MIR2052HG: variants seen among roughly 807,000 people sequenced by gnomAD.
The protein encoded by MIR2052HG is MIR2052 host gene.
chr8:74,637,242 G>A (rs1382086240), intron 2 of MIR2052HG, among the ~76,000 whole-genome samples: 2 of 152,114 alleles, frequency 1.3e-5, no homozygotes, highest in Non-Finnish European at 2.9e-5. Flanking sequence ...AGAATCCATG[G>A]GCTCCGTAGA....
At chr8:74,713,599 T>G (rs1176575652) in intron 4 of MIR2052HG, among the ~76,000 whole-genome samples, 1 of 152,298 alleles carries the variant, frequency 6.6e-6, no homozygotes, top group East Asian at 1.9e-4. Flanking sequence ...CACAAGTCAC[T>G]GTAGACAGTG....
chr8:74,632,655 G>A (rs533406067), intron 2 of MIR2052HG, among the ~76,000 whole-genome samples: 1 of 152,290 alleles, frequency 6.6e-6, no homozygotes, highest in South Asian at 2.1e-4. Context: ...TATTTGGTAT[G>A]ACTTTAATGT....
intron 4 of MIR2052HG, among the ~76,000 whole-genome samples, chr8:74,739,070 A>G (rs780086927): frequency 7.2e-5 from 11 of 152,232 alleles, no homozygotes; most frequent in Non-Finnish European, 1.6e-4. Flanking sequence ...TAAAATGGCA[A>G]ACAGTTGCTC....
At chr8:74,636,717 C>G (rs751844071) in intron 2 of MIR2052HG, among the ~76,000 whole-genome samples, 1 of 152,094 alleles carries the variant, frequency 6.6e-6, no homozygotes, top group Non-Finnish European at 1.5e-5. Flanking sequence ...CATTGGCACA[C>G]TGAGAGCAGC....
chr8:74,698,746 A>G (rs560813683), intron 2 of MIR2052HG, among the ~76,000 whole-genome samples: 1 of 152,266 alleles, frequency 6.6e-6, no homozygotes, highest in African/African-American at 2.4e-5. Context: ...ACACATGGAC[A>G]CAGGGAGGGG....
intron 4 of MIR2052HG, among the ~76,000 whole-genome samples, chr8:74,714,713 T>G (rs1429228270): frequency 6.7e-6 from 1 of 148,174 alleles, no homozygotes; most frequent in Non-Finnish European, 1.5e-5. Flanking sequence ...TTTTTTTTTT[T>G]TTTTGTTTTT....
intron 4 of MIR2052HG, among the ~76,000 whole-genome samples, chr8:74,749,527 T>C (rs998389934): frequency 6.6e-6 from 1 of 152,170 alleles, no homozygotes; most frequent in Non-Finnish European, 1.5e-5. Flanking sequence ...TAATTTCAAG[T>C]TCGACATCAT....
At chr8:74,651,679 A>G (rs1314371091) in intron 2 of MIR2052HG, among the ~76,000 whole-genome samples, 1 of 152,152 alleles carries the variant, frequency 6.6e-6, no homozygotes, top group Non-Finnish European at 1.5e-5. Flanking sequence ...ATTCTTGGCC[A>G]GAGAACTTCC....
At chr8:74,679,657 G>A (rs963218438) in intron 2 of MIR2052HG, among the ~76,000 whole-genome samples, 1 of 151,424 alleles carries the variant, frequency 6.6e-6, no homozygotes, top group East Asian at 1.9e-4. Flanking sequence ...CAAGTAGCTG[G>A]GATTACACTC....
chr8:74,679,411 G>A (rs770612989), intron 2 of MIR2052HG, among the ~76,000 whole-genome samples: 2 of 151,926 alleles, frequency 1.3e-5, no homozygotes, highest in African/African-American at 2.4e-5. Flanking sequence ...AGGTGGCTAC[G>A]AGTGCCATTA....
chr8:74,660,888 G>A (rs969623088), intron 2 of MIR2052HG, among the ~76,000 whole-genome samples: 7 of 151,950 alleles, frequency 4.6e-5, no homozygotes, highest in Non-Finnish European at 8.8e-5. Context: ...TAACAGACTT[G>A]GGGAAATTGG....
intron 4 of MIR2052HG, among the ~76,000 whole-genome samples, chr8:74,745,874 A>T (rs1246018246): frequency 6.6e-6 from 1 of 152,192 alleles, no homozygotes; most frequent in Non-Finnish European, 1.5e-5. Context: ...CCATGTGCCA[A>T]GCAGGCTTTT....
intron 2 of MIR2052HG, among the ~76,000 whole-genome samples, chr8:74,680,956 C>T (rs1418604490): frequency 2.0e-5 from 3 of 150,308 alleles, no homozygotes; most frequent in Non-Finnish European, 3.0e-5. Flanking sequence ...AGTAAACTAT[C>T]GCAAGAACAA....
intron 2 of MIR2052HG, among the ~76,000 whole-genome samples, chr8:74,653,876 A>G (rs1222188401): frequency 6.6e-6 from 1 of 152,234 alleles, no homozygotes; most frequent in Non-Finnish European, 1.5e-5. Flanking sequence ...AATAAGCATG[A>G]CAGATATAGA....
At position 74,665,712 on chromosome 8, in the gene MIR2052HG, T is replaced by C. The variant is rs192360989; in HGVS notation, n.217-36667T>C. On this transcript the variant is annotated intron_variant and non_coding_transcript_variant, in intron 2 of 6. Coordinates refer to ENST00000523442, the Ensembl canonical transcript of MIR2052HG. ...ATAATACTTCAGGCCATATTGCCTG[T>C]GTATACAGCTGATACGGTTTGGCTG... Among the ~76,000 whole-genome samples the C allele has an allele frequency of 2.6e-3, 389 of 152,314 alleles. 2 individuals are homozygous for C. The highest frequency in any genetic ancestry group is 8.5e-3 in the African/African-American group (354 of 41,568).
At chr8:74,687,594 T>A (rs1030369101) in intron 2 of MIR2052HG, among the ~76,000 whole-genome samples, 3 of 152,238 alleles carry the variant, frequency 2.0e-5, no homozygotes, top group African/African-American at 7.2e-5. Flanking sequence ...GGGGTGAATA[T>A]ACTGCCTGAT....
At chr8:74,614,676 CT>C (rs368458589) in intron 2 of MIR2052HG, among the ~76,000 whole-genome samples, 7 of 151,750 alleles carry the variant, frequency 4.6e-5, no homozygotes, top group Admixed American at 2.0e-4. Context: ...TATTTCTTTT[CT>C]TTTTTTCTCT....
At chr8:74,641,658 G>T (rs746430824) in intron 2 of MIR2052HG, among the ~76,000 whole-genome samples, 5 of 151,370 alleles carry the variant, frequency 3.3e-5, no homozygotes, top group South Asian at 2.1e-4. Context: ...ATTTCATGGG[G>T]TTTTTTTTGG....
Position 74,614,321 on chromosome 8 carries a change from C to A in MIR2052HG, n.216+1381C>A, listed in dbSNP as rs1386080632. On this transcript the variant is annotated intron_variant and non_coding_transcript_variant, in intron 2 of 6. Coordinates refer to ENST00000523442, the Ensembl canonical transcript of MIR2052HG. ...AAATATTTCCTCTATTTATTTTGATCTTTTTGTCTTTTTTCTCTGCATTCA... is the reference window on the plus strand; with the variant it reads ...AAATATTTCCTCTATTTATTTTGATATTTTTGTCTTTTTTCTCTGCATTCA... 2.6e-5 allele frequency among the ~76,000 whole-genome samples: 4 copies of A among 152,136 alleles called. No individual in the cohort carries two copies. In the East Asian group the frequency reaches 5.8e-4, roughly 22 times the overall value.
Sources: allele counts gnomAD v4.1 joint callset (sites outside exome capture counted in the v4.1 genomes callset), GRCh38; gene constraint gnomAD v4.1.1; transcripts MANE v1.5; gene names NCBI Gene and HGNC (gene_info 2026-07-23, HGNC 2026-07-21).